Variants in INTU observed in about 807,000 individuals in gnomAD.
INTU encodes protein inturned.
In INTU, 68 loss-of-function variants were observed where a neutral mutation model predicts 100.5. That is an observed-to-expected ratio of 0.68 (90% CI 0.56 to 0.83). The LOEUF (loss-of-function observed/expected upper bound fraction) is 0.83. Ranked by LOEUF, INTU falls within the 40% of genes least tolerant of loss-of-function variation. The pLI is 0.00. For synonymous variants in INTU, 357 were observed against 395.7 expected, an observed-to-expected ratio of 0.90 and a Z score of 1.16; for missense variants, 1,071 against 1,114.7, an observed-to-expected ratio of 0.96 and a Z score of 0.56.
chr4:127,707,643 C>G (rs866622128), intron 12 of INTU, among the ~76,000 whole-genome samples: 7 of 149,322 alleles, frequency 4.7e-5, no homozygotes, highest in South Asian at 2.1e-4. Context: ...ATTTGTGTGT[C>G]TGTGTGTGTG....
intron 8 of INTU, among the ~76,000 whole-genome samples, chr4:127,690,756 C>T (rs1033061055): frequency 2.6e-5 from 4 of 152,108 alleles, no homozygotes; most frequent in African/African-American, 9.7e-5. Flanking sequence ...ACCCCCTTCC[C>T]CCATACATCA....
intron 10 of INTU, among the ~76,000 whole-genome samples, chr4:127,704,818 T>TCAGCTG (rs543851196): frequency 0.03 from 4,582 of 152,056 alleles, 303 homozygotes; most frequent in East Asian, 0.27. Flanking sequence ...CTGGGCATGG[T>TCAGCTG]GGCTCACACC....
At chr4:127,700,108 T>C in intron 9 of INTU, 45 bp downstream of exon 9, 2 of 1,404,058 alleles carry the variant, frequency 1.4e-6, no homozygotes, top group Non-Finnish European at 2.0e-6. Context: ...TGTTGAATTA[T>C]TTTGTATAAC....
chr4:127,657,298 G>C (rs967270557), intron 3 of INTU, among the ~76,000 whole-genome samples: 1 of 152,120 alleles, frequency 6.6e-6, no homozygotes. Context: ...GTGTATCGTA[G>C]ATGATGTTTT....
chr4:127,717,978 G>A lies in INTU; in HGVS notation c.*1542G>A, dbSNP rs566039436. The A allele has an allele frequency of 5.9e-5, 9 of 152,100 alleles. No homozygotes were observed. The East Asian group carries it at 1.2e-3, about 20-fold the overall frequency. 9.4% of individuals were successfully genotyped at this position (152,100 alleles called of 1,614,324 possible). On this transcript the variant is annotated 3_prime_UTR_variant, in exon 16 of 16. Transcript: ENST00000335251. ...TGATAGTTTCTTTTGCTGTGCAGAA[G>A]GTCTTTAATTTAACTAGATCCCATT... is the stretch of plus-strand genomic sequence containing the variant.
At chr4:127,684,347 T>A in intron 6 of INTU, 62 bp from the exon 7 acceptor site, 1 of 899,440 alleles carries the variant, frequency 1.1e-6, no homozygotes, top group Non-Finnish European at 1.8e-6. Context: ...ATGATCTACT[T>A]CTTTTAGATA....
At position 127,633,119 on chromosome 4, in the gene INTU, T is replaced by G. The variant is rs774241018; in HGVS notation, c.85T>G (p.Tyr29Asp). 3 of 1,614,110 alleles carry G rather than the reference T, an allele frequency of 1.9e-6. No homozygotes were observed. The African/African-American group carries it at 4.0e-5, about 22-fold the overall frequency. Residue 29 changes from tyrosine (Y) to aspartate (D), a missense_variant, in exon 1 of 16, where the codon TAT becomes GAT. Tyr to Asp is a radical substitution (Grantham distance 160). Transcript: ENST00000335251. ...DPSSQEEDED[Y>D]DFEDRVSDSG... ...CTCTTCACAAGAAGAAGATGAGGAC[T>G]ATGATTTTGAAGATCGGGTCAGCGA...
At chr4:127,651,978 G>A (rs1330806311) in intron 2 of INTU, among the ~76,000 whole-genome samples, 2 of 149,294 alleles carry the variant, frequency 1.3e-5, no homozygotes, top group African/African-American at 2.5e-5. Flanking sequence ...TCTCTTTGAA[G>A]CAATTGTGAA....
intron 8 of INTU, among the ~76,000 whole-genome samples, chr4:127,698,595 G>T (rs1730503708): frequency 6.6e-6 from 1 of 152,088 alleles, no homozygotes; most frequent in African/African-American, 2.4e-5. Flanking sequence ...ATTTGTTCCA[G>T]GTTTAGTATA....
intron 1 of INTU, among the ~76,000 whole-genome samples, chr4:127,642,827 C>G (rs1170692996): frequency 6.7e-6 from 1 of 149,464 alleles, no homozygotes; most frequent in African/African-American, 2.5e-5. Context: ...TTTATAATCA[C>G]GATGAATTAT....
intron 6 of INTU, among the ~76,000 whole-genome samples, chr4:127,681,108 C>G (rs922373202): frequency 5.3e-5 from 8 of 152,088 alleles, no homozygotes; most frequent in African/African-American, 1.9e-4. Context: ...AAAGAGGATA[C>G]AAACAAATGG....
chr4:127,713,309 T>C (rs1326200888), intron 14 of INTU, among the ~76,000 whole-genome samples: 1 of 152,106 alleles, frequency 6.6e-6, no homozygotes, highest in African/African-American at 2.4e-5. Flanking sequence ...CAAAAAGATC[T>C]GTTGATGGAT....
chr4:127,713,675 A>G (rs921712442), intron 14 of INTU, among the ~76,000 whole-genome samples: 1 of 152,132 alleles, frequency 6.6e-6, no homozygotes, highest in African/African-American at 2.4e-5. Flanking sequence ...AACTGCTAAT[A>G]TAATATAATA....
chr4:127,691,962 G>GTGTGTGTATA, intron 8 of INTU, among the ~76,000 whole-genome samples: 4 of 98,216 alleles, frequency 4.1e-5, no homozygotes, highest in African/African-American at 1.6e-4. Flanking sequence ...TCCATGGTAT[G>GTGTGTGTATA]TATATATATA....
Position 127,710,944 on chromosome 4 carries a change from C to T in INTU, c.2401C>T (p.His801Tyr). 8.6e-6 allele frequency: 13 copies of T among 1,511,582 alleles called. No homozygotes were observed. The highest frequency in any genetic ancestry group is 1.2e-5 in the Non-Finnish European group (13 of 1,114,256). The allele number at this position is 1,511,582 out of a possible 1,614,324, so 93.6% of individuals were successfully genotyped here. Residue 801 changes from histidine (H) to tyrosine (Y), a missense_variant, in exon 14 of 16, where the codon CAC (histidine) becomes TAC (tyrosine). Coordinates refer to ENST00000335251, the MANE Select transcript of INTU (RefSeq NM_015693.4). ...ATCTGGTCCTGAGAACACACTTTTC[C>T]ACTACGTTGCCTTAGAAACAGTGCA... is the stretch of plus-strand genomic sequence containing the variant. ...LTSGPENTLF[H>Y]YVALETVQGI...
rs543366806 is a variant in INTU at position 127,655,235 on chromosome 4, TCTC to T, written c.683-1399_683-1397del. ...TCTTCTCTCAGCTCGTCAAAGTCATTCTCCATCCAGCTTTGTTCCGTTGCTGGT... is the reference window on the plus strand; with the variant it reads ...TCTTCTCTCAGCTCGTCAAAGTCATTCATCCAGCTTTGTTCCGTTGCTGGT... On this transcript the variant is annotated intron_variant, in intron 2 of 15. Transcript: ENST00000335251. Among the ~76,000 whole-genome samples the T allele has an allele frequency of 6.1e-4, 93 of 152,262 alleles. 1 individual carries two copies. The South Asian group carries it at 0.014, about 23-fold the overall frequency.
At chr4:127,685,439 C>A (rs1430126642) in intron 7 of INTU, 3 of 455,664 alleles carry the variant, frequency 6.6e-6, no homozygotes, top group Non-Finnish European at 1.3e-5. Context: ...ATTGTTCTTA[C>A]AGTATCATGA....
At chr4:127,668,718 AATT>A (rs551841330) in intron 4 of INTU, among the ~76,000 whole-genome samples, 113 of 151,898 alleles carry the variant, frequency 7.4e-4, no homozygotes, top group Non-Finnish European at 1.5e-3. Context: ...TAGTATTATA[AATT>A]ATTATTAAAG....
At chr4:127,685,565 G>T in intron 7 of INTU, 1 of 438,006 alleles carries the variant, frequency 2.3e-6, no homozygotes, top group Non-Finnish European at 4.6e-6. Context: ...ACATTTTCCA[G>T]ATAAGTGAGC....
Sources: gnomAD v4.1 joint callset for allele counts (sites outside exome capture counted in the v4.1 genomes callset) on GRCh38, gnomAD v4.1.1 for gene constraint, MANE v1.5 for transcripts, NCBI Gene and HGNC (gene_info 2026-07-23, HGNC 2026-07-21) for gene names.